UBN2: variants seen among roughly 807,000 people sequenced by gnomAD.
UBN2 encodes ubinuclein-2.
Under a neutral mutation model 120.2 loss-of-function variants are expected in UBN2, and 35 were observed. That is an observed-to-expected ratio of 0.29 (90% CI 0.22 to 0.39). The LOEUF is 0.39. Among genes scored for constraint, UBN2 ranks in the 10% least tolerant of loss-of-function variants. The pLI, the probability that UBN2 is intolerant of heterozygous loss-of-function variation, is 1.00. For synonymous variants in UBN2, 661 were observed against 648.7 expected, an observed-to-expected ratio of 1.02 and a Z score of -0.29; for missense variants, 1,693 against 1,663.2, an observed-to-expected ratio of 1.02 and a Z score of -0.31.
Position 139,284,001 on chromosome 7 carries a change from G to T in UBN2, c.3096G>T (p.Ser1032=), listed in dbSNP as rs1012257828. 1 of 1,613,834 alleles carries T rather than the reference G, an allele frequency of 6.2e-7. No individual in the cohort carries two copies. The highest frequency in any genetic ancestry group is 8.5e-7 in the Non-Finnish European group (1 of 1,179,990). ...ISTQGFKSPF[S]MAASPKLAAS... ...CGCAGGGTTTCAAATCTCCCTTCTCGATGGCTGCCTCCCCAAAACTTGCCG... is the reference window on the plus strand; with the variant it reads ...CGCAGGGTTTCAAATCTCCCTTCTCTATGGCTGCCTCCCCAAAACTTGCCG... Residue 1032 remains serine (S), a synonymous_variant, in exon 15 of 18, where the codon TCG becomes TCT. Transcript: ENST00000473989.
chr7:139,233,499 C>T (rs781699851), intron 1 of UBN2, among the ~76,000 whole-genome samples: 12 of 152,156 alleles, frequency 7.9e-5, no homozygotes, highest in Admixed American at 2.0e-4. Context: ...AGACACAGTT[C>T]TAAGCACTGC....
intron 2 of UBN2, among the ~76,000 whole-genome samples, chr7:139,242,498 A>G (rs1160383083): frequency 2.0e-5 from 3 of 152,356 alleles, no homozygotes; most frequent in South Asian, 4.1e-4. Context: ...TTGTAGACCA[A>G]TAATAGTATG....
rs1044851662 is a variant in UBN2, at chr7:139,293,874, C to G, written c.3902-15C>G. 5 of 1,612,454 alleles carry G rather than the reference C, an allele frequency of 3.1e-6. No individual in the cohort carries two copies. The highest frequency in any genetic ancestry group is 1.7e-4 in the Middle Eastern group (1 of 6,058). ...CTGGATTTAAAGATGACTGACAAGT[C>G]TGTTTTCCTCTCAGATTTACTAAAG... On this transcript the variant is annotated splice_polypyrimidine_tract_variant and intron_variant, in intron 16 of 17. Transcript: ENST00000473989.
rs758714682 is a variant in UBN2 at position 139,275,277 on chromosome 7, CAAAAAAA to C, written c.1974-804_1974-798del. ...GGGCAACAAGAGCAAAACTCTGTCT[CAAAAAAA>C]AAAAAAAAAAAAAAAGTCGCTGGGC... On this transcript the variant is annotated intron_variant, in intron 11 of 17. Coordinates refer to ENST00000473989, the MANE Select transcript of UBN2 (RefSeq NM_173569.4). 1.4e-3 allele frequency among the ~76,000 whole-genome samples: 61 copies of C among 44,900 alleles called. No individual in the cohort carries two copies. In the East Asian group the frequency reaches 0.035, roughly 26 times the overall value. 29.5% of individuals were successfully genotyped at this position (44,900 alleles called of 152,430 possible). A position where few individuals can be genotyped will look rare whatever the true frequency, so the allele number is the denominator to read the frequency against.
At chr7:139,238,168 C>T (rs1475712220) in intron 2 of UBN2, among the ~76,000 whole-genome samples, 1 of 152,186 alleles carries the variant, frequency 6.6e-6, no homozygotes, top group East Asian at 1.9e-4. Flanking sequence ...TCTGATTCCT[C>T]TGTGAGCATT....
In UBN2 at chr7:139,306,728, A is replaced by G. The variant is rs1000812064; in HGVS notation, c.*8892A>G. On this transcript the variant is annotated 3_prime_UTR_variant, in exon 18 of 18. Transcript: ENST00000473989. ...ATACCAAATTGGTCTTTCAGAGAGT[A>G]TGTAAATCTGGGGCTTGCCCTTGGA... 4.6e-5 allele frequency: 7 copies of G among 152,232 alleles called. No individual in the cohort carries two copies. The highest frequency in any genetic ancestry group is 1.7e-4 in the African/African-American group (7 of 41,460). The allele number at this position is 152,232 out of a possible 1,614,324, so 9.4% of individuals were successfully genotyped here.
chr7:139,322,949 G>A, the UBN2 span, among the ~76,000 whole-genome samples: 4 of 152,270 alleles, frequency 2.6e-5, no homozygotes, highest in East Asian at 1.9e-4. Context: ...GGAAGCTGAC[G>A]AGTGGCAGTG....
chr7:139,239,269 G>A (rs550976552), intron 2 of UBN2, among the ~76,000 whole-genome samples: 1 of 152,116 alleles, frequency 6.6e-6, no homozygotes, highest in East Asian at 1.9e-4. Flanking sequence ...AGGACAAAGT[G>A]CTTTCTCTCC....
intron 1 of UBN2, among the ~76,000 whole-genome samples, chr7:139,235,082 G>T (rs1796129109): frequency 6.6e-6 from 1 of 151,968 alleles, no homozygotes; most frequent in African/African-American, 2.4e-5. Context: ...AATAAGAGCT[G>T]TACTTTTGAT....
chr7:139,259,387 C>G lies in UBN2; in HGVS notation c.905+17C>G, dbSNP rs370187887. 1.3e-4 allele frequency: 202 copies of G among 1,611,526 alleles called. No individual in the cohort carries two copies. Among genetic ancestry groups the G allele is most frequent in the East Asian group, 2.7e-4 (12 of 44,854 alleles). ...ACAACTGGGGTACGTTAAATTAAAC[C>G]TAAGAAGGGAACTGGCGTCACAGTC... is the stretch of plus-strand genomic sequence containing the variant. On this transcript the variant is annotated intron_variant, in intron 5 of 17. Transcript: ENST00000473989.
chr7:139,231,979 C>T, intron 1 of UBN2, 27 bp downstream of exon 1: 10 of 1,566,580 alleles, frequency 6.4e-6, no homozygotes, highest in Non-Finnish European at 7.7e-6. Flanking sequence ...CCTCCTGCCC[C>T]AGACCCCGGG....
In UBN2 at chr7:139,284,082, C is replaced by G. The variant is rs760850334; in HGVS notation, c.3177C>G (p.Ala1059=). The change falls in exon 15 of 18, where the codon GCC becomes GCG. Residue 1059 remains alanine (A), a synonymous_variant. Coordinates refer to ENST00000473989, the MANE Select transcript of UBN2 (RefSeq NM_173569.4). ...PKPLPSPKPS[A]SPKPSLSAKP... Reference sequence around the variant, plus strand: ...CCCTGCCCTCGCCTAAGCCTTCTGCCTCACCCAAGCCCTCTCTGTCAGCTA... The same window carrying G: ...CCCTGCCCTCGCCTAAGCCTTCTGCGTCACCCAAGCCCTCTCTGTCAGCTA... 6.2e-7 allele frequency: 1 copy of G among 1,614,182 alleles called. No homozygotes were observed. The highest frequency in any genetic ancestry group is 8.5e-7 in the Non-Finnish European group (1 of 1,180,030).
the UBN2 span, among the ~76,000 whole-genome samples, chr7:139,325,418 C>A: frequency 6.6e-6 from 1 of 151,826 alleles, no homozygotes; most frequent in Non-Finnish European, 1.5e-5. Flanking sequence ...CAGGTGCCCA[C>A]TACCACGCTC....
chr7:139,236,956 G>T, intron 1 of UBN2, 49 bp from the exon 2 acceptor site: 1 of 1,165,958 alleles, frequency 8.6e-7, no homozygotes. Context: ...AATAATATTT[G>T]TAATACTAAT....
intron 8 of UBN2, among the ~76,000 whole-genome samples, chr7:139,270,611 T>C (rs749906278): frequency 6.6e-6 from 1 of 152,090 alleles, no homozygotes; most frequent in South Asian, 2.1e-4. Context: ...CAGTGTTCCA[T>C]TGTGTGAATA....
chr7:139,271,755 T>A (rs1797281696), intron 8 of UBN2, among the ~76,000 whole-genome samples: 1 of 152,206 alleles, frequency 6.6e-6, no homozygotes, highest in South Asian at 2.1e-4. Flanking sequence ...TACTTTCTTT[T>A]TTGCCCTGAA....
chr7:139,307,129 C>G lies in UBN2; in HGVS notation c.*9293C>G, dbSNP rs1487739585. ...TTACATCTTCCTCATACATTAGCCA[C>G]CTCCACACTTGACATAGATGCCAAC... On this transcript the variant is annotated 3_prime_UTR_variant, in exon 18 of 18. Coordinates refer to ENST00000473989, the MANE Select transcript of UBN2 (RefSeq NM_173569.4). 6.6e-6 allele frequency: 1 copy of G among 152,230 alleles called. No individual in the cohort carries two copies. The highest frequency in any genetic ancestry group is 1.5e-5 in the Non-Finnish European group (1 of 68,050). The allele number at this position is 152,230 out of a possible 1,614,324, so 9.4% of individuals were successfully genotyped here. A position where few individuals can be genotyped will look rare whatever the true frequency, so the allele number is the denominator to read the frequency against.
At chr7:139,263,502 A>C (rs1797000047) in intron 6 of UBN2, among the ~76,000 whole-genome samples, 1 of 152,160 alleles carries the variant, frequency 6.6e-6, no homozygotes, top group African/African-American at 2.4e-5. Flanking sequence ...GGTCAGGCAC[A>C]GTGGCTCACA....
At chr7:139,252,116 T>G (rs544716778) in intron 3 of UBN2, 59 bp downstream of exon 3, 1 of 1,445,518 alleles carries the variant, frequency 6.9e-7, no homozygotes, top group Non-Finnish European at 9.7e-7. Flanking sequence ...ATAGTAGAAG[T>G]CAAGGGTAAA....
Sources: allele counts gnomAD v4.1 joint callset (sites outside exome capture counted in the v4.1 genomes callset), GRCh38; gene constraint gnomAD v4.1.1; transcripts MANE v1.5; gene names NCBI Gene and HGNC (gene_info 2026-07-23, HGNC 2026-07-21).